GSE1: variants seen among roughly 807,000 people sequenced by gnomAD.
GSE1 encodes genetic suppressor element 1.
Under a neutral mutation model 112.6 loss-of-function variants are expected in GSE1, and 32 were observed. That is an observed-to-expected ratio of 0.28 (90% confidence interval 0.21 to 0.38). The LOEUF (loss-of-function observed/expected upper bound fraction) is 0.38. Among genes scored for constraint, GSE1 ranks in the 10% least tolerant of loss-of-function variants. The pLI is 1.00. For synonymous variants in GSE1, 1,115 were observed against 735.6 expected (o/e 1.52, Z -8.35); for missense variants, 2,348 against 1,699.2 (o/e 1.38, Z -6.71).
intron 1 of GSE1, among the ~76,000 whole-genome samples, chr16:85,580,440 C>G (rs557408500): frequency 1.2e-4 from 19 of 152,320 alleles, no homozygotes; most frequent in Admixed American, 3.3e-4. Context: ...GCTGCGTGCT[C>G]TCTGCCTCCC....
intron 3 of GSE1, among the ~76,000 whole-genome samples, chr16:85,652,718 G>A (rs906866452): frequency 1.3e-5 from 2 of 152,140 alleles, no homozygotes; most frequent in African/African-American, 2.4e-5. Flanking sequence ...AGGAAGAGGG[G>A]CTGGCGGGTC....
At chr16:85,230,847 A>G (rs984464737) in intron 1 of GSE1, among the ~76,000 whole-genome samples, 2 of 152,134 alleles carry the variant, frequency 1.3e-5, no homozygotes, top group African/African-American at 4.8e-5. Context: ...GGATGGATGG[A>G]TGGATGGATG....
At chr16:85,393,899 G>A (rs1054777341) in intron 2 of GSE1, among the ~76,000 whole-genome samples, 2 of 152,152 alleles carry the variant, frequency 1.3e-5, no homozygotes, top group African/African-American at 4.8e-5. Context: ...TTGGCCGCCA[G>A]CTTGCGCCCG....
intron 1 of GSE1, among the ~76,000 whole-genome samples, chr16:85,174,953 A>T (rs2074431048): frequency 1.3e-5 from 2 of 152,104 alleles, no homozygotes; most frequent in Non-Finnish European, 2.9e-5. Context: ...TTTAGGTGGG[A>T]TGAGGAGGGC....
chr16:85,257,073 T>A (rs546597060), intron 1 of GSE1, among the ~76,000 whole-genome samples: 1 of 152,296 alleles, frequency 6.6e-6, no homozygotes, highest in East Asian at 1.9e-4. Context: ...GAGGGGTGGA[T>A]TATACTTGCT....
At chr16:85,477,353 G>C (rs4489991) in intron 2 of GSE1, among the ~76,000 whole-genome samples, 78,144 of 151,930 alleles carry the variant, frequency 0.51, 20,636 homozygotes, top group African/African-American at 0.53. Context: ...TACATCCTGA[G>C]TCTTTGGCCA....
chr16:85,432,119 C>T (rs1291878373), intron 2 of GSE1, among the ~76,000 whole-genome samples: 1 of 152,200 alleles, frequency 6.6e-6, no homozygotes, highest in Non-Finnish European at 1.5e-5. Flanking sequence ...CATCAAAATG[C>T]ATGAATTACC....
chr16:85,470,037 C>T (rs541847155), intron 2 of GSE1, among the ~76,000 whole-genome samples: 4 of 152,380 alleles, frequency 2.6e-5, no homozygotes, highest in African/African-American at 9.6e-5. Context: ...CCACCCCCTC[C>T]ACTGCCCAGA....
chr16:85,272,610 C>T (rs1331500548), intron 1 of GSE1, among the ~76,000 whole-genome samples: 1 of 152,030 alleles, frequency 6.6e-6, no homozygotes, highest in African/African-American at 2.4e-5. Flanking sequence ...TCTGGAGAAG[C>T]CACGGGTGTG....
intron 1 of GSE1, among the ~76,000 whole-genome samples, chr16:85,596,009 C>T (rs1008315921): frequency 2.2e-5 from 3 of 135,968 alleles, no homozygotes; most frequent in African/African-American, 8.1e-5. Context: ...CCCACCCATT[C>T]TCCCATCTGC....
intron 1 of GSE1, among the ~76,000 whole-genome samples, chr16:85,239,296 G>C (rs1377913490): frequency 2.0e-5 from 3 of 152,198 alleles, no homozygotes; most frequent in African/African-American, 7.2e-5. Context: ...CCAGAGCTGG[G>C]CATTTAAAGA....
chr16:85,187,352 G>T (rs549988158), intron 1 of GSE1, among the ~76,000 whole-genome samples: 4 of 152,370 alleles, frequency 2.6e-5, no homozygotes, highest in Admixed American at 2.6e-4. Flanking sequence ...GGCAGTGCTG[G>T]GGGCAGCTTC....
chr16:85,262,060 C>G (rs565224440), intron 1 of GSE1, among the ~76,000 whole-genome samples: 4 of 152,292 alleles, frequency 2.6e-5, no homozygotes, highest in African/African-American at 9.6e-5. Flanking sequence ...AGGACAGAGC[C>G]TGTTTTGAAT....
intron 1 of GSE1, among the ~76,000 whole-genome samples, chr16:85,187,366 C>G (rs2074726399): frequency 1.3e-5 from 2 of 152,244 alleles, no homozygotes; most frequent in African/African-American, 2.4e-5. Context: ...CAGCTTCAGG[C>G]TGCGCCAAGG....
intron 1 of GSE1, among the ~76,000 whole-genome samples, chr16:85,263,563 G>C (rs1335546208): frequency 2.0e-5 from 3 of 151,436 alleles, no homozygotes; most frequent in African/African-American, 7.3e-5. Flanking sequence ...AGATGAAATG[G>C]CCACTTTTTC....
At position 85,673,134 on chromosome 16, in the gene GSE1, A is replaced by C. The variant is rs2053475433; in HGVS notation, c.*595A>C. On this transcript the variant is annotated 3_prime_UTR_variant, in exon 16 of 16. Coordinates refer to ENST00000253458, the MANE Select transcript of GSE1 (RefSeq NM_014615.5). ...GCAACCCAAAGGCTTTTCCCTGGAA[A>C]AGCTCTTTCTTACCTAAAGATAAAA... 1 of 152,402 alleles carries C rather than the reference A, an allele frequency of 6.6e-6. No individual in the cohort carries two copies. Among genetic ancestry groups the C allele is most frequent in the Non-Finnish European group, 1.5e-5 (1 of 68,050 alleles). 9.4% of individuals were successfully genotyped at this position (152,402 alleles called of 1,614,324 possible). A position where few individuals can be genotyped will look rare whatever the true frequency, so the allele number is the denominator to read the frequency against.
intron 1 of GSE1, among the ~76,000 whole-genome samples, chr16:85,214,625 G>T (rs757685294): frequency 8.5e-5 from 13 of 152,086 alleles, no homozygotes; most frequent in Non-Finnish European, 1.6e-4. Context: ...GTGGTTCTTT[G>T]TCACAGTTGC....
chr16:85,283,753 TAGCTCATTCAGC>T (rs1308235371), intron 1 of GSE1, among the ~76,000 whole-genome samples: 1 of 152,228 alleles, frequency 6.6e-6, no homozygotes, highest in Non-Finnish European at 1.5e-5. Context: ...ATAAGTGTAT[TAGCTCATTCAGC>T]CCTCAAACAG....
chr16:85,222,339 C>G (rs538507998), intron 1 of GSE1, among the ~76,000 whole-genome samples: 2 of 152,242 alleles, frequency 1.3e-5, no homozygotes, highest in African/African-American at 4.8e-5. Context: ...AGGCAGGCCT[C>G]GGCATTGGTG....
Sources: allele counts gnomAD v4.1 joint callset (sites outside exome capture counted in the v4.1 genomes callset), GRCh38; gene constraint gnomAD v4.1.1; transcripts MANE v1.5; gene names NCBI Gene and HGNC (gene_info 2026-07-23, HGNC 2026-07-21).